The following ELP1 variants were observed in gnomAD, a reference collection of about 807,000 sequenced individuals.
ELP1 encodes elongator complex protein 1.
ELP1 carries 131 observed loss-of-function variants against 183.2 expected under a neutral mutation model. That is an observed-to-expected ratio of 0.72 (90% confidence interval 0.62 to 0.83). ELP1 has a LOEUF of 0.83. Ranked by LOEUF, ELP1 falls within the 40% of genes least tolerant of loss-of-function variation. The pLI, the probability that ELP1 is intolerant of heterozygous loss-of-function variation, is 0.00. For missense variants in ELP1, 1,550 were observed against 1,594.9 expected, an observed-to-expected ratio of 0.97 and a Z score of 0.48; for synonymous variants, 555 against 569.0, an observed-to-expected ratio of 0.98 and a Z score of 0.35.
intron 32 of ELP1, among the ~76,000 whole-genome samples, chr9:108,879,825 G>T (rs1039924259): frequency 1.3e-5 from 2 of 152,198 alleles, no homozygotes; most frequent in African/African-American, 4.8e-5. Context: ...GTGAATGGGG[G>T]TAGGTGGGAA....
At chr9:108,904,870 T>C (rs552195417) in intron 14 of ELP1, among the ~76,000 whole-genome samples, 1 of 152,338 alleles carries the variant, frequency 6.6e-6, no homozygotes, top group African/African-American at 2.4e-5. Context: ...ATATTTTATA[T>C]GAACAAAACA....
At chr9:108,933,794 G>A (rs1344135405) in intron 1 of ELP1, 70 bp downstream of exon 1, 2 of 152,972 alleles carry the variant, frequency 1.3e-5, no homozygotes, top group African/African-American at 4.8e-5. Context: ...GAGGCTCCGG[G>A]TCTCCTTCAC....
chr9:108,868,945 A>T lies in ELP1; in HGVS notation c.*170T>A. On this transcript the variant is annotated 3_prime_UTR_variant, in exon 37 of 37. Coordinates refer to ENST00000374647, the MANE Select transcript of ELP1 (RefSeq NM_003640.5). ...TGATCAAGATGTATACACAACATAA[A>T]ATAAATAGAATTGCTTGTTGTCTGC... The T allele has an allele frequency of 1.5e-6, 1 of 688,718 alleles. No homozygotes were observed. Among genetic ancestry groups the T allele is most frequent in the South Asian group, 1.6e-5 (1 of 63,196 alleles). The allele number at this position is 688,718 out of a possible 1,614,324, so 42.7% of individuals were successfully genotyped here.
In ELP1 at chr9:108,931,036, T is replaced by C. The variant is rs750185740; in HGVS notation, c.111A>G (p.Ser37=). 4.3e-6 allele frequency: 7 copies of C among 1,614,062 alleles called. No individual in the cohort carries two copies. The highest frequency in any genetic ancestry group is 2.5e-6 in the Non-Finnish European group (3 of 1,180,044). ...GGTCTACTTCTATCAGGCCATGTTC[T>C]GAACCAATGAGCACCGTCCCCTGTT... is the stretch of plus-strand genomic sequence containing the variant. The part of the protein sequence containing the change: ...RTEQGTVLIG[S]EHGLIEVDPV... The change falls in exon 2 of 37, where the codon TCA becomes TCG. Residue 37 remains serine, a synonymous_variant. Transcript: ENST00000374647.
chr9:108,919,771 T>A (rs1372467480), intron 6 of ELP1, among the ~76,000 whole-genome samples: 1 of 151,904 alleles, frequency 6.6e-6, no homozygotes, highest in Non-Finnish European at 1.5e-5. Flanking sequence ...GTGAACAAGG[T>A]GAATAGGGAG....
intron 16 of ELP1, 142 bp from the exon 17 acceptor site, chr9:108,901,823 G>A: frequency 1.2e-6 from 1 of 810,056 alleles, no homozygotes; most frequent in East Asian, 2.7e-5. Flanking sequence ...CCTAAGACGT[G>A]GCTGGTCCAG....
At chr9:108,879,366 G>T in intron 33 of ELP1, 80 bp downstream of exon 33, 1 of 1,061,506 alleles carries the variant, frequency 9.4e-7, no homozygotes. Context: ...CACCGTCCCA[G>T]TAGAAAACCA....
At chr9:108,886,201 TG>T (rs1047218467) in intron 29 of ELP1, among the ~76,000 whole-genome samples, 3 of 152,202 alleles carry the variant, frequency 2.0e-5, no homozygotes, top group African/African-American at 7.2e-5. Context: ...AGTCTGTAAT[TG>T]TTTATGGTCA....
Position 108,889,364 on chromosome 9 carries a change from C to A in ELP1, c.3190G>T (p.Asp1064Tyr). ...CACTCTTCCAAAACCATGGCCGCAT[C>A]AATGTGCTTCCTCTGCTCAACCAGC... Reference protein sequence around the residue: ...GKLVEQRKHIDAAMVLEECAQ... With the variant: ...GKLVEQRKHIYAAMVLEECAQ... Residue 1064 changes from aspartate to tyrosine, a missense_variant, in exon 29 of 37, where the codon GAT becomes TAT. Asp to Tyr is a radical substitution (Grantham distance 160). Transcript: ENST00000374647. The A allele has an allele frequency of 6.2e-7, 1 of 1,614,162 alleles. No homozygotes were observed. Among genetic ancestry groups the A allele is most frequent in the Non-Finnish European group, 8.5e-7 (1 of 1,179,992 alleles).
chr9:108,892,719 T>A (rs1461126662), intron 27 of ELP1, among the ~76,000 whole-genome samples: 6 of 152,154 alleles, frequency 3.9e-5, no homozygotes, highest in Admixed American at 2.6e-4. Flanking sequence ...CTTGTTAGGA[T>A]AATCAGACTT....
In ELP1 at chr9:108,868,891, A is replaced by G. The variant is rs1347166145; in HGVS notation, c.*224T>C. 4.9e-6 allele frequency: 3 copies of G among 611,262 alleles called. No homozygotes were observed. The highest frequency in any genetic ancestry group is 8.8e-6 in the Non-Finnish European group (3 of 341,830). 37.9% of individuals were successfully genotyped at this position (611,262 alleles called of 1,614,324 possible). A position where few individuals can be genotyped will look rare whatever the true frequency, so the allele number is the denominator to read the frequency against. On this transcript the variant is annotated 3_prime_UTR_variant, in exon 37 of 37. Coordinates refer to ENST00000374647, the MANE Select transcript of ELP1 (RefSeq NM_003640.5). Reference sequence around the variant, plus strand: ...ACAATCATTCTCACAAAATGGTGCCATAATGGTTAAAGCTTAATGTCTTGC... The same window carrying G: ...ACAATCATTCTCACAAAATGGTGCCGTAATGGTTAAAGCTTAATGTCTTGC...
chr9:108,871,055 C>A (rs1040903748), intron 36 of ELP1, among the ~76,000 whole-genome samples: 2 of 137,572 alleles, frequency 1.5e-5, no homozygotes, highest in African/African-American at 2.8e-5. Context: ...CCTGTGAAGT[C>A]ATGCACATCT....
intron 36 of ELP1, among the ~76,000 whole-genome samples, chr9:108,873,616 T>C (rs992093837): frequency 6.6e-6 from 1 of 152,156 alleles, no homozygotes; most frequent in Non-Finnish European, 1.5e-5. Flanking sequence ...AAGGTCAGCA[T>C]CAGGCCAGCA....
At chr9:108,896,695 CCA>C (rs751016194) in intron 24 of ELP1, 51 bp from the exon 25 acceptor site, 13 of 1,553,904 alleles carry the variant, frequency 8.4e-6, no homozygotes, top group Non-Finnish European at 9.8e-6. Context: ...GGGAAAAAAT[CCA>C]CAGACCTAAC....
chr9:108,903,706 AT>A, intron 14 of ELP1, 37 bp from the exon 15 acceptor site: 1 of 1,456,050 alleles, frequency 6.9e-7, no homozygotes, highest in Non-Finnish European at 9.6e-7. Context: ...TAAACAGACC[AT>A]TTTTCTCAAA....
Position 108,901,661 on chromosome 9 carries a change from A to T in ELP1, c.1875T>A (p.Thr625=). ...CATTGATGAAAAAGCGACACCTGTCAGTCAGACCAAGGACACATTCCTGCA... is the reference window on the plus strand; with the variant it reads ...CATTGATGAAAAAGCGACACCTGTCTGTCAGACCAAGGACACATTCCTGCA... ...IGEEECVLGL[T]DRCRFFINDI... is the part of the protein sequence containing the mutation. The change falls in exon 17 of 37, where the codon ACT becomes ACA. Residue 625 remains threonine (T), a synonymous_variant. Coordinates refer to ENST00000374647, the MANE Select transcript of ELP1 (RefSeq NM_003640.5). 2 of 1,614,222 alleles carry T rather than the reference A, an allele frequency of 1.2e-6. No individual in the cohort carries two copies. The highest frequency in any genetic ancestry group is 1.7e-6 in the Non-Finnish European group (2 of 1,180,010).
chr9:108,929,954 C>A (rs1458464407), intron 2 of ELP1, 33 bp from the exon 3 acceptor site: 1 of 1,609,102 alleles, frequency 6.2e-7, no homozygotes, highest in South Asian at 1.1e-5. Flanking sequence ...CAAATTAACC[C>A]AGTCTACTTT....
At chr9:108,920,074 C>T (rs539826202) in intron 6 of ELP1, among the ~76,000 whole-genome samples, 2 of 152,194 alleles carry the variant, frequency 1.3e-5, no homozygotes, top group African/African-American at 4.8e-5. Flanking sequence ...AACCAAACCT[C>T]CTTTACTGAA....
chr9:108,894,742 C>T (rs1377229881), intron 25 of ELP1, among the ~76,000 whole-genome samples: 1 of 152,160 alleles, frequency 6.6e-6, no homozygotes, highest in Non-Finnish European at 1.5e-5. Flanking sequence ...TCCATGCTCT[C>T]CTGAAATGAT....
Sources: gnomAD v4.1 joint callset for allele counts (sites outside exome capture counted in the v4.1 genomes callset) on GRCh38, gnomAD v4.1.1 for gene constraint, MANE v1.5 for transcripts, NCBI Gene and HGNC (gene_info 2026-07-23, HGNC 2026-07-21) for gene names.